The following ST6GAL1 variants were observed in gnomAD, a reference collection of about 807,000 sequenced individuals.
The protein encoded by ST6GAL1 is ST6 beta-galactoside alpha-2,6-sialyltransferase 1.
In ST6GAL1, 20 loss-of-function variants were observed where a neutral mutation model predicts 38.0. The observed-to-expected ratio is 0.53, with a 90% CI of 0.37 to 0.77. ST6GAL1 has a LOEUF of 0.77. Among genes scored for constraint, ST6GAL1 ranks in the 30% least tolerant of loss-of-function variants. The pLI is 0.00. For missense variants in ST6GAL1, 432 were observed against 496.4 expected (o/e 0.87, Z 1.23); for synonymous variants, 196 against 188.2 (o/e 1.04, Z -0.34).
At chr3:186,998,048 A>G (rs1456017429) in intron 2 of ST6GAL1, among the ~76,000 whole-genome samples, 1 of 151,936 alleles carries the variant, frequency 6.6e-6, no homozygotes, top group Non-Finnish European at 1.5e-5. Context: ...GGAGTTAGAG[A>G]CCAGCCTGGG....
At chr3:187,064,569 C>T (rs1157189099) in intron 5 of ST6GAL1, 8 of 456,564 alleles carry the variant, frequency 1.8e-5, no homozygotes, top group Non-Finnish European at 2.2e-5. Flanking sequence ...GCCCACTTCC[C>T]GGGATACACT....
chr3:186,970,300 C>T (rs183031651), intron 2 of ST6GAL1, among the ~76,000 whole-genome samples: 22 of 151,218 alleles, frequency 1.5e-4, no homozygotes, highest in South Asian at 2.1e-4. Context: ...CTGCAACCAC[C>T]GCCTCCCAGG....
rs950997257 is a variant in ST6GAL1, at chr3:187,075,625, G to A, written c.1043G>A (p.Arg348His). 5.0e-6 allele frequency: 8 copies of A among 1,614,170 alleles called. No individual in the cohort carries two copies. Among genetic ancestry groups the A allele is most frequent in the Non-Finnish European group, 5.9e-6 (7 of 1,180,026 alleles). ...ATTTATGAGTTCCTCCCATCCAAGC[G>A]CAAGACTGACGTGTGCTACTACTAC... ...VDIYEFLPSK[R>H]KTDVCYYYQK... The change falls in exon 8 of 8, where the codon CGC (arginine) becomes CAC (histidine). Residue 348 changes from arginine to histidine, a missense_variant. By Grantham distance (29) the Arg-to-His change is conservative. Coordinates refer to ENST00000169298, the MANE Select transcript of ST6GAL1 (RefSeq NM_173216.2). The surrounding 1 kb of genome is among the most constrained non-coding windows in gnomAD (Gnocchi z 4.1).
At chr3:187,062,252 C>G (rs569659459) in intron 5 of ST6GAL1, among the ~76,000 whole-genome samples, 1 of 152,220 alleles carries the variant, frequency 6.6e-6, no homozygotes, top group African/African-American at 2.4e-5. Flanking sequence ...AAATGGTCAG[C>G]CACTGTGGAA....
At position 186,941,373 on chromosome 3, in the gene ST6GAL1, G is replaced by T. The variant is rs1237742876; in HGVS notation, c.-325+10539G>T. Among the ~76,000 whole-genome samples, 11 of 152,268 alleles carry T rather than the reference G, an allele frequency of 7.2e-5. No homozygotes were observed. In the South Asian group the frequency reaches 2.3e-3, roughly 32 times the overall value. ...TACCTGGAGTGTTATGCTTCCCTGG[G>T]TCCCCTCCAGAGAGTGATAAAATGA... On this transcript the variant is annotated intron_variant, in intron 1 of 7. Transcript: ENST00000169298.
At chr3:186,983,962 A>G (rs13060765) in intron 2 of ST6GAL1, among the ~76,000 whole-genome samples, 12,702 of 152,200 alleles carry the variant, frequency 0.083, 573 homozygotes, top group East Asian at 0.18. Context: ...CTTTCCTATC[A>G]GGCTTCCTAC....
intron 5 of ST6GAL1, among the ~76,000 whole-genome samples, chr3:187,066,026 C>G (rs537822795): frequency 6.6e-6 from 1 of 152,216 alleles, no homozygotes; most frequent in African/African-American, 2.4e-5. Context: ...TCTGGAAGCT[C>G]CAACTTTTCT....
chr3:187,074,605 T>C (rs1719498854), intron 7 of ST6GAL1, among the ~76,000 whole-genome samples: 1 of 152,070 alleles, frequency 6.6e-6, no homozygotes, highest in African/African-American at 2.4e-5. Flanking sequence ...CCTGGTGTCA[T>C]AGGAGAGAGG....
intron 2 of ST6GAL1, among the ~76,000 whole-genome samples, chr3:187,030,537 G>A (rs1243159778): frequency 2.6e-5 from 4 of 152,102 alleles, no homozygotes; most frequent in Non-Finnish European, 2.9e-5. Context: ...GGATTCAAGC[G>A]ATCCTCCTGC....
At chr3:186,954,963 G>C (rs1047723171) in intron 1 of ST6GAL1, among the ~76,000 whole-genome samples, 16 of 152,042 alleles carry the variant, frequency 1.1e-4, no homozygotes, top group African/African-American at 3.4e-4. Flanking sequence ...TATAGTTTTG[G>C]GTTTTACATT....
intron 4 of ST6GAL1, among the ~76,000 whole-genome samples, chr3:187,047,929 CT>C (rs1286109436): frequency 6.7e-6 from 1 of 148,766 alleles, no homozygotes; most frequent in Non-Finnish European, 1.5e-5. Flanking sequence ...CTTTGATTGG[CT>C]TTTTTCTTTT....
chr3:187,005,436 C>T lies in ST6GAL1; in HGVS notation c.-182-33306C>T, dbSNP rs185892384. Among the ~76,000 whole-genome samples, 38 of 152,104 alleles carry T rather than the reference C, an allele frequency of 2.5e-4. No individual in the cohort carries two copies. In the East Asian group the frequency reaches 5.6e-3, roughly 23 times the overall value. On this transcript the variant is annotated intron_variant, in intron 2 of 7. Coordinates refer to ENST00000169298, the MANE Select transcript of ST6GAL1 (RefSeq NM_173216.2). ...GACTACAGGTGCCCGCCACCATGCC[C>T]GGCTAACTTTTGTATTTTTTAGTAG... is the stretch of plus-strand genomic sequence containing the variant.
chr3:186,974,209 G>A (rs571537783), intron 2 of ST6GAL1, among the ~76,000 whole-genome samples: 79 of 152,200 alleles, frequency 5.2e-4, no homozygotes, highest in African/African-American at 1.7e-3. Context: ...CTGACCAGGC[G>A]CCTGGCCACC....
intron 5 of ST6GAL1, chr3:187,064,642 C>G: frequency 2.2e-6 from 1 of 456,282 alleles, no homozygotes; most frequent in Non-Finnish European, 4.4e-6. Context: ...TTTCTCACCT[C>G]CTGTAAGCAA....
At chr3:187,022,323 G>C (rs1717347817) in intron 2 of ST6GAL1, among the ~76,000 whole-genome samples, 1 of 152,194 alleles carries the variant, frequency 6.6e-6, no homozygotes, top group African/African-American at 2.4e-5. Context: ...GCAGAGGAAA[G>C]ATGGCTACAG....
In ST6GAL1 at chr3:187,043,092, G is replaced by C. The variant is rs1239339370; in HGVS notation, c.389G>C (p.Gly130Ala). ...NKYKVSYKGP[G>A]PGIKFSAEAL... ...TACAAAGTGTCCTACAAGGGGCCAG[G>C]ACCAGGCATCAAGTTCAGTGCAGAG... is the stretch of plus-strand genomic sequence containing the variant. The change falls in exon 4 of 8, where the codon GGA (glycine) becomes GCA (alanine). Residue 130 changes from glycine (G) to alanine (A), a missense_variant. Transcript: ENST00000169298. 6.2e-7 allele frequency: 1 copy of C among 1,614,204 alleles called. No individual in the cohort carries two copies. The highest frequency in any genetic ancestry group is 8.5e-7 in the Non-Finnish European group (1 of 1,180,034).
intron 2 of ST6GAL1, chr3:187,021,840 A>T (rs930691985): frequency 6.6e-6 from 1 of 151,760 alleles, no homozygotes; most frequent in East Asian, 1.9e-4. Flanking sequence ...AAAACCCAAG[A>T]GGACAGGGTT....
chr3:187,024,611 C>G (rs1717461943), intron 2 of ST6GAL1: 1 of 151,922 alleles, frequency 6.6e-6, no homozygotes, highest in Non-Finnish European at 1.5e-5. Context: ...AAATCTAACA[C>G]TCAGTTTAAG....
rs1252662126 is a variant in ST6GAL1 at position 187,063,966 on chromosome 3, G to GTA, written c.706-8881_706-8880dup. ...TGTGGAGCATGTCACCCAGAGGCTG[G>GTA]TATGCAGCAAGTGCTTTGTAAATAG... On this transcript the variant is annotated intron_variant, in intron 5 of 7. Transcript: ENST00000169298. 1.4e-4 allele frequency among the ~76,000 whole-genome samples: 21 copies of GTA among 152,206 alleles called. No individual in the cohort carries two copies. The East Asian group carries it at 3.9e-3, about 28-fold the overall frequency.
Sources: gnomAD v4.1 joint callset for allele counts (sites outside exome capture counted in the v4.1 genomes callset) on GRCh38, gnomAD v4.1.1 for gene constraint, Gnocchi (gnomAD v3.1) non-coding constraint, MANE v1.5 for transcripts, NCBI Gene and HGNC (gene_info 2026-07-23, HGNC 2026-07-21) for gene names.